The following GALNTL6 variants were observed in gnomAD, a reference collection of about 807,000 sequenced individuals.
GALNTL6 encodes polypeptide N-acetylgalactosaminyltransferase-like 6.
GALNTL6 carries 46 observed loss-of-function variants against 73.7 expected under a neutral mutation model. The ratio of observed to expected loss-of-function variants is 0.62; its 90% CI spans 0.49 to 0.80. GALNTL6 has a LOEUF of 0.80. GALNTL6 is among the 30% of genes least tolerant of loss of function. The probability of loss-of-function intolerance (pLI) is 0.00; values close to 1 mark genes in which losing one functional copy is unlikely to be tolerated. For missense variants in GALNTL6, 604 were observed against 755.0 expected (o/e 0.80, Z 2.34); for synonymous variants, 259 against 263.7 (o/e 0.98, Z 0.17).
At chr4:171,865,809 C>T (rs1008066895) in intron 2 of GALNTL6, among the ~76,000 whole-genome samples, 1 of 152,148 alleles carries the variant, frequency 6.6e-6, no homozygotes, top group Non-Finnish European at 1.5e-5. Context: ...AATGCCCTTG[C>T]TGAAATCAGA....
intron 4 of GALNTL6, among the ~76,000 whole-genome samples, chr4:172,327,876 C>T (rs781580830): frequency 1.3e-5 from 2 of 151,766 alleles, no homozygotes; most frequent in Non-Finnish European, 2.9e-5. Context: ...TAAATGGGGG[C>T]CCATTTACAT....
intron 5 of GALNTL6, among the ~76,000 whole-genome samples, chr4:172,426,220 G>A (rs10520234): frequency 0.2 from 30,872 of 151,876 alleles, 3,453 homozygotes; most frequent in East Asian, 0.35. Context: ...TAGTGGCTTT[G>A]TAACTTTACT....
At chr4:172,518,476 T>C (rs1734678551) in intron 5 of GALNTL6, among the ~76,000 whole-genome samples, 1 of 151,996 alleles carries the variant, frequency 6.6e-6, no homozygotes, top group African/African-American at 2.4e-5. Context: ...CTCATTTTTT[T>C]AGAATTTAGA....
chr4:172,917,259 A>G (rs1747570382), intron 8 of GALNTL6, among the ~76,000 whole-genome samples: 1 of 152,092 alleles, frequency 6.6e-6, no homozygotes. Flanking sequence ...AAGATGGATT[A>G]AAGACTTAAA....
At chr4:172,932,420 C>CG (rs1561041254) in intron 9 of GALNTL6, among the ~76,000 whole-genome samples, 1 of 151,964 alleles carries the variant, frequency 6.6e-6, no homozygotes, top group African/African-American at 2.4e-5. Flanking sequence ...CTTTGTGGGG[C>CG]GGGGGGAGTT....
intron 7 of GALNTL6, among the ~76,000 whole-genome samples, chr4:172,837,137 T>C (rs141777415): frequency 6.6e-6 from 1 of 152,230 alleles, no homozygotes; most frequent in South Asian, 2.1e-4. Context: ...GGCCATAGCC[T>C]GACCAGCTTT....
intron 5 of GALNTL6, among the ~76,000 whole-genome samples, chr4:172,713,726 T>G (rs1427131765): frequency 6.6e-6 from 1 of 152,172 alleles, no homozygotes; most frequent in Non-Finnish European, 1.5e-5. Flanking sequence ...TTCTCTCTAA[T>G]TAGTCAACAA....
At chr4:172,218,796 GAATGTT>G (rs1485605062) in intron 2 of GALNTL6, among the ~76,000 whole-genome samples, 2 of 151,840 alleles carry the variant, frequency 1.3e-5, no homozygotes, top group Non-Finnish European at 2.9e-5. Context: ...TTAAAGATCT[GAATGTT>G]AATAACAATT....
At chr4:172,265,037 T>C (rs947861937) in intron 3 of GALNTL6, among the ~76,000 whole-genome samples, 23 of 152,064 alleles carry the variant, frequency 1.5e-4, no homozygotes, top group Non-Finnish European at 2.8e-4. Context: ...TACTTATTGT[T>C]TCTTGAGAAT....
At chr4:172,281,689 C>T (rs951476434) in intron 3 of GALNTL6, among the ~76,000 whole-genome samples, 4 of 152,116 alleles carry the variant, frequency 2.6e-5, no homozygotes, top group Admixed American at 6.6e-5. Flanking sequence ...CCAGCCTGGG[C>T]GTCAGAGTGA....
intron 2 of GALNTL6, among the ~76,000 whole-genome samples, chr4:171,899,052 G>A (rs1737005227): frequency 3.4e-5 from 2 of 59,280 alleles, no homozygotes; most frequent in African/African-American, 8.3e-5. Context: ...TTTGCCAATG[G>A]AAATTGTACT....
chr4:172,365,042 GA>G (rs1398761948), intron 5 of GALNTL6, among the ~76,000 whole-genome samples: 1 of 152,090 alleles, frequency 6.6e-6, no homozygotes, highest in Non-Finnish European at 1.5e-5. Context: ...AGTTAAAGAG[GA>G]AAAACATGAA....
intron 7 of GALNTL6, among the ~76,000 whole-genome samples, chr4:172,881,005 G>T (rs926588054): frequency 7.9e-5 from 12 of 152,098 alleles, no homozygotes; most frequent in Admixed American, 5.2e-4. Flanking sequence ...GATTCATTGT[G>T]CACAGTGTAA....
At chr4:172,239,207 G>C (rs967083686) in intron 3 of GALNTL6, among the ~76,000 whole-genome samples, 1 of 152,112 alleles carries the variant, frequency 6.6e-6, no homozygotes, top group African/African-American at 2.4e-5. Flanking sequence ...GTCGAATTTG[G>C]CTGTGAATCC....
chr4:172,889,137 TA>T (rs1481807888), intron 8 of GALNTL6, among the ~76,000 whole-genome samples: 1 of 152,224 alleles, frequency 6.6e-6, no homozygotes, highest in Non-Finnish European at 1.5e-5. Flanking sequence ...TGAAGCCATT[TA>T]TCAGGTCTGT....
At position 172,788,588 on chromosome 4, in the gene GALNTL6, C is replaced by T. The variant is rs540197311; in HGVS notation, c.554-20773C>T. On this transcript the variant is annotated intron_variant, in intron 5 of 12. Coordinates refer to ENST00000506823, the MANE Select transcript of GALNTL6 (RefSeq NM_001034845.3). ...TCGGGAGGCTGAGGCAGGAGAATGC[C>T]GTGAAACCGGGAGGCGGAGCTTGCA... Among the ~76,000 whole-genome samples the T allele has an allele frequency of 3.9e-4, 58 of 148,772 alleles. No individual in the cohort carries two copies. The Middle Eastern group carries it at 0.01, about 27-fold the overall frequency.
chr4:172,169,268 G>A (rs950080745), intron 2 of GALNTL6, among the ~76,000 whole-genome samples: 10 of 152,156 alleles, frequency 6.6e-5, no homozygotes, highest in African/African-American at 2.2e-4. Context: ...GGAAGAAGAG[G>A]ACTGTTACCA....
At chr4:172,446,662 A>T (rs1215487821) in intron 5 of GALNTL6, among the ~76,000 whole-genome samples, 2 of 152,132 alleles carry the variant, frequency 1.3e-5, no homozygotes, top group Non-Finnish European at 2.9e-5. Flanking sequence ...GGCCTCATGG[A>T]CCTCACCATA....
chr4:172,770,265 C>A (rs373652587), intron 5 of GALNTL6, among the ~76,000 whole-genome samples: 2 of 141,292 alleles, frequency 1.4e-5, no homozygotes, highest in African/African-American at 5.2e-5. Context: ...GACTCCATCT[C>A]AATAAATAAA....
Sources: gnomAD v4.1 joint callset for allele counts (sites outside exome capture counted in the v4.1 genomes callset) on GRCh38, gnomAD v4.1.1 for gene constraint, MANE v1.5 for transcripts, NCBI Gene and HGNC (gene_info 2026-07-23, HGNC 2026-07-21) for gene names.